SNTG1: variants seen among roughly 807,000 people sequenced by gnomAD.
SNTG1 encodes the protein gamma-1-syntrophin.
In SNTG1, 39 loss-of-function variants were observed where a neutral mutation model predicts 74.7. The ratio of observed to expected loss-of-function variants is 0.52; its 90% CI spans 0.40 to 0.68. The LOEUF (loss-of-function observed/expected upper bound fraction) is 0.68. Ranked by LOEUF, SNTG1 falls within the 30% of genes least tolerant of loss-of-function variation. The pLI is 0.00. For synonymous variants in SNTG1, 254 were observed against 217.1 expected (o/e 1.17, Z -1.49); for missense variants, 685 against 609.5 (o/e 1.12, Z -1.30).
chr8:50,254,517 TGACAA>T (rs1432462512), intron 2 of SNTG1, among the ~76,000 whole-genome samples: 1 of 152,092 alleles, frequency 6.6e-6, no homozygotes, highest in Non-Finnish European at 1.5e-5. Flanking sequence ...TTATGAACTA[TGACAA>T]GACTAAAAGA....
chr8:50,187,539 T>G (rs2131754645), intron 2 of SNTG1, among the ~76,000 whole-genome samples: 1 of 152,296 alleles, frequency 6.6e-6, no homozygotes, highest in South Asian at 2.1e-4. Context: ...TTAAATAGAT[T>G]ATGTGCTTGG....
At chr8:50,094,622 A>G (rs2079860117) in intron 1 of SNTG1, among the ~76,000 whole-genome samples, 1 of 152,202 alleles carries the variant, frequency 6.6e-6, no homozygotes, top group African/African-American at 2.4e-5. Context: ...TGCAAATCAA[A>G]TCAACAGTGA....
At chr8:50,297,840 G>C (rs548087831) in intron 2 of SNTG1, among the ~76,000 whole-genome samples, 1 of 150,604 alleles carries the variant, frequency 6.6e-6, no homozygotes, top group South Asian at 2.1e-4. Flanking sequence ...GGTAGCAAGA[G>C]AACTGAGTTG....
rs181580489 is a variant in SNTG1, at chr8:50,675,685, T to C, written c.1038+17022T>C. Among the ~76,000 whole-genome samples the C allele has an allele frequency of 1.1e-4, 16 of 152,228 alleles. No homozygotes were observed. The South Asian group carries it at 2.9e-3, about 28-fold the overall frequency. On this transcript the variant is annotated intron_variant, in intron 15 of 18. Transcript: ENST00000642720. ...TAAGGTTGGTATTATTATATGTGAA[T>C]TTGATCCTGTCATCATGATGTTATC...
At position 50,533,176 on chromosome 8, in the gene SNTG1, G is replaced by A. The variant is rs976290586; in HGVS notation, c.549+2917G>A. ...ATTCACTGAATTTCTTCTCTCTAGA[G>A]ATGGAGTAGAAGAATTTGTTCTGTG... is the stretch of plus-strand genomic sequence containing the variant. On this transcript the variant is annotated intron_variant, in intron 10 of 18. Transcript: ENST00000642720. Among the ~76,000 whole-genome samples, 9 of 152,194 alleles carry A rather than the reference G, an allele frequency of 5.9e-5. No homozygotes were observed. The South Asian group carries it at 1.7e-3, about 28-fold the overall frequency.
chr8:50,010,808 T>TTTC (rs1323245678), intron 1 of SNTG1, among the ~76,000 whole-genome samples: 1 of 149,002 alleles, frequency 6.7e-6, no homozygotes, highest in African/African-American at 2.5e-5. Context: ...TTTTTTTTTT[T>TTTC]GGTGAGGTGG....
intron 8 of SNTG1, among the ~76,000 whole-genome samples, chr8:50,457,426 T>G (rs1037827530): frequency 6.6e-6 from 1 of 152,328 alleles, no homozygotes; most frequent in African/African-American, 2.4e-5. Context: ...GAATTCTCTA[T>G]CAAAAGACAA....
intron 1 of SNTG1, among the ~76,000 whole-genome samples, chr8:50,051,831 T>G (rs1819601802): frequency 6.6e-6 from 1 of 152,104 alleles, no homozygotes; most frequent in South Asian, 2.1e-4. Flanking sequence ...AGATTAGGAC[T>G]TCAACCTACT....
intron 2 of SNTG1, among the ~76,000 whole-genome samples, chr8:50,249,460 G>C (rs1251705923): frequency 6.6e-6 from 1 of 152,204 alleles, no homozygotes; most frequent in Non-Finnish European, 1.5e-5. Context: ...CCTGCCCCTA[G>C]CTTGACAGCT....
At chr8:50,580,287 T>C (rs1045500939) in intron 12 of SNTG1, among the ~76,000 whole-genome samples, 6 of 152,230 alleles carry the variant, frequency 3.9e-5, no homozygotes, top group Admixed American at 6.5e-5. Flanking sequence ...AGGAAGTAAC[T>C]GACTTGCTTT....
intron 2 of SNTG1, among the ~76,000 whole-genome samples, chr8:50,221,818 T>G (rs1255185219): frequency 6.6e-6 from 1 of 152,112 alleles, no homozygotes. Context: ...GCTGCCCAGA[T>G]AGAGCCAATT....
At chr8:50,612,804 C>T (rs527420314) in intron 13 of SNTG1, among the ~76,000 whole-genome samples, 2 of 152,252 alleles carry the variant, frequency 1.3e-5, no homozygotes, top group African/African-American at 2.4e-5. Context: ...TTCAGGTAGC[C>T]ATTTAGAGTC....
intron 4 of SNTG1, among the ~76,000 whole-genome samples, chr8:50,411,757 C>T (rs114997643): frequency 7.0e-4 from 106 of 152,222 alleles, no homozygotes; most frequent in African/African-American, 2.4e-3. Flanking sequence ...TCCTAATTTC[C>T]CAGGGCTTAT....
intron 2 of SNTG1, among the ~76,000 whole-genome samples, chr8:50,386,091 C>T (rs2092569738): frequency 6.6e-6 from 1 of 152,164 alleles, no homozygotes; most frequent in African/African-American, 2.4e-5. Context: ...TTTCCCATAG[C>T]AACAGCTCTC....
intron 2 of SNTG1, among the ~76,000 whole-genome samples, chr8:50,309,671 C>T (rs921521899): frequency 3.3e-5 from 5 of 151,988 alleles, no homozygotes; most frequent in African/African-American, 4.8e-5. Flanking sequence ...ATCTTAGTAG[C>T]GGTTTAGGTA....
chr8:50,293,253 G>A (rs758806430), intron 2 of SNTG1, among the ~76,000 whole-genome samples: 1 of 152,090 alleles, frequency 6.6e-6, no homozygotes, highest in Non-Finnish European at 1.5e-5. Context: ...AGTGTTGGCA[G>A]GGTTGGTTCC....
At chr8:50,130,952 A>C (rs1234922711) in intron 1 of SNTG1, among the ~76,000 whole-genome samples, 2 of 152,084 alleles carry the variant, frequency 1.3e-5, no homozygotes, top group Non-Finnish European at 2.9e-5. Context: ...ATTGACTGTA[A>C]ACTTGAAATT....
At chr8:50,404,167 G>A (rs1216973019) in intron 4 of SNTG1, among the ~76,000 whole-genome samples, 1 of 152,034 alleles carries the variant, frequency 6.6e-6, no homozygotes, top group Non-Finnish European at 1.5e-5. Context: ...AAATGAAAAT[G>A]CAATCCACAA....
At chr8:50,511,195 G>A (rs192038656) in intron 9 of SNTG1, among the ~76,000 whole-genome samples, 1 of 152,292 alleles carries the variant, frequency 6.6e-6, no homozygotes, top group Admixed American at 6.5e-5. Flanking sequence ...TTCAGGAGCA[G>A]GTTGTTCAGT....
Sources: gnomAD v4.1 joint callset for allele counts (sites outside exome capture counted in the v4.1 genomes callset) on GRCh38, gnomAD v4.1.1 for gene constraint, MANE v1.5 for transcripts, NCBI Gene and HGNC (gene_info 2026-07-23, HGNC 2026-07-21) for gene names.